Variants in SEL1L observed in about 807,000 individuals in gnomAD.
SEL1L encodes the protein protein sel-1 homolog 1.
Under a neutral mutation model 109.8 loss-of-function variants are expected in SEL1L, and 52 were observed. The observed-to-expected ratio is 0.47, with a 90% confidence interval of 0.38 to 0.60. SEL1L has a LOEUF of 0.60. Among genes scored for constraint, SEL1L ranks in the 20% least tolerant of loss-of-function variants. SEL1L has a pLI of 0.00. For synonymous variants in SEL1L, 373 were observed against 339.6 expected, an observed-to-expected ratio of 1.10 and a Z score of -1.08; for missense variants, 749 against 962.2, an observed-to-expected ratio of 0.78 and a Z score of 2.93.
chr14:81,502,238 T>C (rs1021965652), intron 6 of SEL1L, among the ~76,000 whole-genome samples: 5 of 152,190 alleles, frequency 3.3e-5, no homozygotes, highest in African/African-American at 7.2e-5. Context: ...AAGATATGCA[T>C]GCACACTAAT....
At chr14:81,512,972 AG>A (rs937035320) in intron 3 of SEL1L, among the ~76,000 whole-genome samples, 1 of 152,190 alleles carries the variant, frequency 6.6e-6, no homozygotes, top group African/African-American at 2.4e-5. Context: ...GTTCCCACTG[AG>A]AGGTGAAGCC....
chr14:81,525,052 T>C (rs903603079), intron 3 of SEL1L, among the ~76,000 whole-genome samples: 2 of 152,136 alleles, frequency 1.3e-5, no homozygotes, highest in African/African-American at 4.8e-5. Flanking sequence ...GTGATTTTGC[T>C]GAAAAGAACA....
intron 19 of SEL1L, among the ~76,000 whole-genome samples, chr14:81,481,624 A>G (rs187551755): frequency 1.3e-3 from 192 of 152,344 alleles, no homozygotes; most frequent in African/African-American, 4.2e-3. Flanking sequence ...ATTATAGTCA[A>G]TCCTCATATT....
At position 81,486,459 on chromosome 14, in the gene SEL1L, G is replaced by T; in HGVS notation, c.1633-5C>A. 6.2e-7 allele frequency: 1 copy of T among 1,610,096 alleles called. No homozygotes were observed. Among genetic ancestry groups the T allele is most frequent in the Admixed American group, 1.7e-5 (1 of 59,344 alleles). Reference sequence around the variant, plus strand: ...TTCACATACATTCTTAAACAACTGTGTGAGGTGGGGAAAAAAAATATCAGT... The same window carrying T: ...TTCACATACATTCTTAAACAACTGTTTGAGGTGGGGAAAAAAAATATCAGT... On this transcript the variant is annotated splice_region_variant and splice_polypyrimidine_tract_variant and intron_variant, in intron 16 of 20. Transcript: ENST00000336735.
intron 13 of SEL1L, 84 bp downstream of exon 13, chr14:81,490,304 G>A (rs1412807209): frequency 2.0e-6 from 2 of 1,000,798 alleles, no homozygotes; most frequent in African/African-American, 1.6e-5. Context: ...AGTTGGTTAT[G>A]ATTAACCCTT....
At chr14:81,479,840 A>C in intron 19 of SEL1L, 100 bp from the exon 20 acceptor site, 1 of 1,150,408 alleles carries the variant, frequency 8.7e-7, no homozygotes, top group Non-Finnish European at 1.2e-6. Flanking sequence ...TGAGGTTTTC[A>C]TTTTAAAATG....
At position 81,487,382 on chromosome 14, in the gene SEL1L, G is replaced by C. The variant is rs1217772753; in HGVS notation, c.1632+8C>G. On this transcript the variant is annotated splice_region_variant and intron_variant, in intron 16 of 20. Coordinates refer to ENST00000336735, the MANE Select transcript of SEL1L (RefSeq NM_005065.6). ...TCCCTACACACAAGCTGGTAGGAAA[G>C]ACCTTACCTCCACTGCAGTGTGACA... 2.6e-6 allele frequency: 4 copies of C among 1,566,186 alleles called. No homozygotes were observed. The South Asian group carries it at 3.6e-5, about 14-fold the overall frequency.
rs983391116 is a variant in SEL1L at position 81,475,352 on chromosome 14, C to T, written c.*1620G>A. 1 of 152,584 alleles carries T rather than the reference C, an allele frequency of 6.6e-6. No homozygotes were observed. The highest frequency in any genetic ancestry group is 1.5e-5 in the Non-Finnish European group (1 of 68,024). The allele number at this position is 152,584 out of a possible 1,614,324, so 9.5% of individuals were successfully genotyped here. On this transcript the variant is annotated 3_prime_UTR_variant, in exon 21 of 21. Coordinates refer to ENST00000336735, the MANE Select transcript of SEL1L (RefSeq NM_005065.6). ...GAGGAAAGTTTTGCTTACCAGGTTT[C>T]CCATAATTCTCTAAACACAAAAAGG... is the stretch of plus-strand genomic sequence containing the variant.
Position 81,473,781 on chromosome 14 carries a change from G to T in SEL1L, c.*3191C>A, listed in dbSNP as rs1266715320. 6.6e-6 allele frequency: 1 copy of T among 152,024 alleles called. No homozygotes were observed. Among genetic ancestry groups the T allele is most frequent in the Admixed American group, 6.6e-5 (1 of 15,262 alleles). 9.4% of individuals were successfully genotyped at this position (152,024 alleles called of 1,614,324 possible). A position where few individuals can be genotyped will look rare whatever the true frequency, so the allele number is the denominator to read the frequency against. ...ACATGCTATACACATAAAGAATTGT[G>T]TTTTTCATTTATAGGCCTGCATGCA... On this transcript the variant is annotated 3_prime_UTR_variant, in exon 21 of 21. Coordinates refer to ENST00000336735, the MANE Select transcript of SEL1L (RefSeq NM_005065.6).
intron 20 of SEL1L, chr14:81,479,367 C>T: frequency 3.6e-6 from 1 of 281,240 alleles, no homozygotes; most frequent in Non-Finnish European, 6.6e-6. Context: ...AAAACATCTG[C>T]CTCCATGAAA....
chr14:81,510,172 C>T (rs1884403781), intron 3 of SEL1L, among the ~76,000 whole-genome samples: 2 of 152,116 alleles, frequency 1.3e-5, no homozygotes, highest in South Asian at 2.1e-4. Context: ...GATCAGGAAC[C>T]GACCAGGTAT....
At chr14:81,477,313 G>A in intron 20 of SEL1L, 132 bp from the exon 21 acceptor site, 1 of 623,634 alleles carries the variant, frequency 1.6e-6, no homozygotes, top group Non-Finnish European at 2.8e-6. Context: ...ATGTGTGTGT[G>A]TGTGTGTGTG....
At chr14:81,525,934 A>G (rs1355235233) in intron 3 of SEL1L, among the ~76,000 whole-genome samples, 2 of 152,136 alleles carry the variant, frequency 1.3e-5, no homozygotes, top group African/African-American at 4.8e-5. Flanking sequence ...AGCAGCTGTT[A>G]TTTCTAGTTG....
chr14:81,495,332 C>T (rs1240596525), intron 10 of SEL1L, among the ~76,000 whole-genome samples, 195 bp from the exon 11 acceptor site: 1 of 152,192 alleles, frequency 6.6e-6, no homozygotes, highest in Non-Finnish European at 1.5e-5. Context: ...AAAACGTGTA[C>T]TTGTAATTGC....
At chr14:81,530,529 C>T (rs1273589761) in intron 1 of SEL1L, among the ~76,000 whole-genome samples, 2 of 152,118 alleles carry the variant, frequency 1.3e-5, no homozygotes, top group African/African-American at 2.4e-5. Context: ...TGGCAGTGGA[C>T]CTAACTAAAA....
Position 81,490,610 on chromosome 14 carries a change from A to G in SEL1L, c.1255-145T>C, listed in dbSNP as rs1306707241. The G allele has an allele frequency of 5.2e-5, 35 of 671,146 alleles. No individual in the cohort carries two copies. The South Asian group carries it at 6.8e-4, about 13-fold the overall frequency. The allele number at this position is 671,146 out of a possible 1,614,324, so 41.6% of individuals were successfully genotyped here. A position where few individuals can be genotyped will look rare whatever the true frequency, so the allele number is the denominator to read the frequency against. On this transcript the variant is annotated intron_variant, in intron 12 of 20. Coordinates refer to ENST00000336735, the MANE Select transcript of SEL1L (RefSeq NM_005065.6). ...ATTCCCCACAGGATATTTTAGAATT[A>G]AAAGCAAAGGCCGGGTACAGTGGCT...
At chr14:81,481,230 C>A (rs1164604843) in intron 19 of SEL1L, among the ~76,000 whole-genome samples, 1 of 152,162 alleles carries the variant, frequency 6.6e-6, no homozygotes, top group African/African-American at 2.4e-5. Flanking sequence ...ACTTAAAAAT[C>A]TCACTTCTAC....
chr14:81,520,573 G>A (rs1270435958), intron 3 of SEL1L, among the ~76,000 whole-genome samples: 4 of 152,186 alleles, frequency 2.6e-5, no homozygotes, highest in African/African-American at 9.7e-5. Flanking sequence ...GAAAGGGCTC[G>A]CAGCAGACCT....
chr14:81,485,261 G>A (rs1009244907), intron 18 of SEL1L, among the ~76,000 whole-genome samples: 5 of 152,032 alleles, frequency 3.3e-5, no homozygotes, highest in Non-Finnish European at 5.9e-5. Context: ...TTAAGTCACA[G>A]TATCTCTGCT....
Sources: gnomAD v4.1 joint callset for allele counts (sites outside exome capture counted in the v4.1 genomes callset) on GRCh38, gnomAD v4.1.1 for gene constraint, MANE v1.5 for transcripts, NCBI Gene and HGNC (gene_info 2026-07-23, HGNC 2026-07-21) for gene names.